The following ATXN1 variants were observed in gnomAD, a reference collection of about 807,000 sequenced individuals.
The protein encoded by ATXN1 is ataxin 1.
A neutral mutation model predicts 56.4 loss-of-function variants in ATXN1; 8 were observed. The ratio of observed to expected loss-of-function variants is 0.14; its 90% CI spans 0.08 to 0.26. ATXN1 has a LOEUF of 0.26. ATXN1 is among the 10% of genes least tolerant of loss of function. The probability of loss-of-function intolerance (pLI) is 1.00; values close to 1 mark genes in which losing one functional copy is unlikely to be tolerated. For synonymous variants in ATXN1, 514 were observed against 494.6 expected (o/e 1.04, Z -0.52); for missense variants, 987 against 1,106.5 (o/e 0.89, Z 1.53).
At chr6:16,632,040 A>G (rs1217442159) in intron 3 of ATXN1, among the ~76,000 whole-genome samples, 1 of 152,198 alleles carries the variant, frequency 6.6e-6, no homozygotes, top group Admixed American at 6.5e-5. Flanking sequence ...AAACAAAAGC[A>G]ATAATGCTTA....
chr6:16,552,561 C>A (rs900402386), intron 4 of ATXN1, among the ~76,000 whole-genome samples: 1 of 152,150 alleles, frequency 6.6e-6, no homozygotes, highest in African/African-American at 2.4e-5. Flanking sequence ...TAGCTTCCAA[C>A]AGCAAAAATT....
At chr6:16,669,163 G>A (rs943818653) in intron 2 of ATXN1, among the ~76,000 whole-genome samples, 7 of 152,200 alleles carry the variant, frequency 4.6e-5, no homozygotes, top group South Asian at 2.1e-4. Flanking sequence ...CAAGGAACAT[G>A]GCTAAGAGCA....
chr6:16,457,708 G>A (rs181954285), intron 6 of ATXN1, among the ~76,000 whole-genome samples: 148 of 152,282 alleles, frequency 9.7e-4, no homozygotes, highest in South Asian at 2.1e-3. Flanking sequence ...ACTATGCAAA[G>A]CTGGCGATTT....
intron 6 of ATXN1, among the ~76,000 whole-genome samples, chr6:16,474,833 CAT>C (rs562136528): frequency 8.0e-6 from 1 of 125,656 alleles, no homozygotes; most frequent in East Asian, 3.1e-4. Flanking sequence ...TATGTGTGTG[CAT>C]ACACACACAC....
chr6:16,547,251 A>G (rs1761831172), intron 4 of ATXN1, among the ~76,000 whole-genome samples: 1 of 152,240 alleles, frequency 6.6e-6, no homozygotes, highest in Admixed American at 6.5e-5. Flanking sequence ...ATAAAGATAC[A>G]GTATTTGGGG....
chr6:16,543,645 A>G (rs1761758066), intron 4 of ATXN1, among the ~76,000 whole-genome samples: 1 of 149,478 alleles, frequency 6.7e-6, no homozygotes, highest in East Asian at 1.9e-4. Flanking sequence ...AAAAAAAAAA[A>G]AAAAAAAAGA....
chr6:16,492,057 T>C (rs1406350167), intron 5 of ATXN1, among the ~76,000 whole-genome samples: 2 of 152,172 alleles, frequency 1.3e-5, no homozygotes, highest in African/African-American at 4.8e-5. Flanking sequence ...GGCAGCCCTG[T>C]TGACACCTCA....
chr6:16,583,708 C>T (rs1228007982), intron 4 of ATXN1, among the ~76,000 whole-genome samples: 1 of 152,176 alleles, frequency 6.6e-6, no homozygotes, highest in Non-Finnish European at 1.5e-5. Context: ...GTGATCCAGA[C>T]AGCCATGGTT....
chr6:16,360,553 C>T (rs1761787352), intron 6 of ATXN1, among the ~76,000 whole-genome samples: 1 of 152,080 alleles, frequency 6.6e-6, no homozygotes, highest in Admixed American at 6.6e-5. Flanking sequence ...GCCCTCAGAG[C>T]CAGGGAACAT....
At chr6:16,741,393 C>T (rs1760335699) in intron 2 of ATXN1, among the ~76,000 whole-genome samples, 1 of 152,154 alleles carries the variant, frequency 6.6e-6, no homozygotes. Context: ...ACTAGTCCTA[C>T]AAGAGAAACA....
intron 3 of ATXN1, among the ~76,000 whole-genome samples, chr6:16,600,588 G>A (rs1002514970): frequency 6.6e-5 from 10 of 152,130 alleles, no homozygotes; most frequent in African/African-American, 2.4e-4. Flanking sequence ...ATTCTTCTAA[G>A]GTTCAAGATT....
chr6:16,568,919 A>T (rs1762279492), intron 4 of ATXN1, among the ~76,000 whole-genome samples: 1 of 152,188 alleles, frequency 6.6e-6, no homozygotes, highest in South Asian at 2.1e-4. Context: ...CTCTGGGTAT[A>T]CACACAAAGA....
chr6:16,348,973 C>T (rs1258787688), intron 6 of ATXN1, among the ~76,000 whole-genome samples: 1 of 152,206 alleles, frequency 6.6e-6, no homozygotes, highest in East Asian at 1.9e-4. Context: ...GATCTAAGTA[C>T]TAACCAGGCC....
intron 6 of ATXN1, among the ~76,000 whole-genome samples, chr6:16,396,013 CAAAAAAAAAAAAAA>C (rs59358244): frequency 4.7e-5 from 2 of 42,238 alleles, no homozygotes; most frequent in Non-Finnish European, 8.5e-5. Flanking sequence ...GACTCCGTCT[CAAAAAAAAAAAAAA>C]AAAAAAAAAA....
intron 6 of ATXN1, among the ~76,000 whole-genome samples, chr6:16,352,144 T>G (rs1278340368): frequency 6.6e-6 from 1 of 152,238 alleles, no homozygotes; most frequent in Non-Finnish European, 1.5e-5. Flanking sequence ...TAATATAGTT[T>G]GCTTCTATTT....
chr6:16,416,091 C>CAA (rs372133593), intron 6 of ATXN1, among the ~76,000 whole-genome samples: 32,420 of 110,128 alleles, frequency 0.29, 4,259 homozygotes, highest in Admixed American at 0.36. Context: ...ACCAAGCTTT[C>CAA]AAAAAAAAAA....
At chr6:16,637,353 G>A (rs1383388477) in intron 3 of ATXN1, among the ~76,000 whole-genome samples, 1 of 149,224 alleles carries the variant, frequency 6.7e-6, no homozygotes, top group African/African-American at 2.5e-5. Context: ...TCATGGAGTG[G>A]GGGGAGGGGG....
intron 6 of ATXN1, among the ~76,000 whole-genome samples, chr6:16,431,102 G>C (rs752496708): frequency 6.6e-6 from 1 of 152,106 alleles, no homozygotes; most frequent in Non-Finnish European, 1.5e-5. Context: ...GGGAAGGAGG[G>C]TCTGTGCAGA....
chr6:16,531,057 A>C (rs1419290014), intron 4 of ATXN1, among the ~76,000 whole-genome samples: 2 of 152,240 alleles, frequency 1.3e-5, no homozygotes, highest in South Asian at 2.1e-4. Flanking sequence ...TGTACAAAAC[A>C]ATCAGCACAT....
Sources: allele counts gnomAD v4.1 joint callset (sites outside exome capture counted in the v4.1 genomes callset), GRCh38; gene constraint gnomAD v4.1.1; transcripts MANE v1.5; gene names NCBI Gene and HGNC (gene_info 2026-07-23, HGNC 2026-07-21).